Variants in CPQ observed in about 807,000 individuals in gnomAD.
The protein encoded by CPQ is carboxypeptidase Q.
Under a neutral mutation model 45.7 loss-of-function variants are expected in CPQ, and 37 were observed. That is an observed-to-expected ratio of 0.81 (90% CI 0.62 to 1.07). The LOEUF is 1.07. Ranked by LOEUF, CPQ falls within the 50% of genes least tolerant of loss-of-function variation. The pLI is 0.00. For synonymous variants in CPQ, 186 were observed against 205.8 expected (o/e 0.90, Z 0.82); for missense variants, 537 against 572.9 (o/e 0.94, Z 0.64).
At chr8:96,673,024 AC>A (rs1809027578) in intron 1 of CPQ, among the ~76,000 whole-genome samples, 1 of 151,948 alleles carries the variant, frequency 6.6e-6, no homozygotes, top group South Asian at 2.1e-4. Context: ...AACAGTTACT[AC>A]CAAGGTACTG....
intron 1 of CPQ, among the ~76,000 whole-genome samples, chr8:96,694,944 C>A (rs1283908490): frequency 1.3e-5 from 2 of 152,006 alleles, no homozygotes; most frequent in Admixed American, 1.3e-4. Flanking sequence ...TACTACTTTA[C>A]AGTGCATATG....
chr8:96,962,783 GA>G (rs1813482621), intron 4 of CPQ, among the ~76,000 whole-genome samples: 1 of 152,074 alleles, frequency 6.6e-6, no homozygotes, highest in Non-Finnish European at 1.5e-5. Context: ...CATATATTTG[GA>G]AAATTCAAGT....
At chr8:96,705,505 A>C (rs1267083655) in intron 1 of CPQ, among the ~76,000 whole-genome samples, 1 of 152,192 alleles carries the variant, frequency 6.6e-6, no homozygotes, top group Non-Finnish European at 1.5e-5. Flanking sequence ...GGTATCAGGA[A>C]GCAGATGGGA....
At chr8:97,120,371 CATTCCTTTACTGATCT>C (rs555410918) in intron 7 of CPQ, among the ~76,000 whole-genome samples, 2,840 of 151,542 alleles carry the variant, frequency 0.019, 42 homozygotes, top group Non-Finnish European at 0.025. Flanking sequence ...TTCACTGCCG[CATTCCTTTACTGATCT>C]ATTCCTTTAC....
chr8:96,815,049 A>G (rs1811209769), intron 2 of CPQ, among the ~76,000 whole-genome samples: 1 of 152,080 alleles, frequency 6.6e-6, no homozygotes. Flanking sequence ...TATTAATGGT[A>G]CTGTGTTTGT....
intron 3 of CPQ, among the ~76,000 whole-genome samples, chr8:96,848,950 T>G (rs1811735518): frequency 6.6e-6 from 1 of 152,214 alleles, no homozygotes; most frequent in Admixed American, 6.5e-5. Flanking sequence ...GAGTGATCTG[T>G]GAGACTACTC....
chr8:96,938,382 G>A (rs779601722), intron 4 of CPQ, among the ~76,000 whole-genome samples: 1 of 152,162 alleles, frequency 6.6e-6, no homozygotes, highest in Non-Finnish European at 1.5e-5. Context: ...AGGTGACAGA[G>A]CAGGACCCTG....
intron 5 of CPQ, among the ~76,000 whole-genome samples, chr8:97,000,356 G>T (rs1809254666): frequency 6.6e-6 from 1 of 151,886 alleles, no homozygotes; most frequent in African/African-American, 2.4e-5. Flanking sequence ...TGTCTTCCAG[G>T]GTTTTTATAG....
chr8:96,949,310 T>C (rs773995639), intron 4 of CPQ, among the ~76,000 whole-genome samples: 1 of 152,066 alleles, frequency 6.6e-6, no homozygotes, highest in Non-Finnish European at 1.5e-5. Context: ...TTTAGTATTA[T>C]ACCTTTTCAT....
At chr8:97,064,199 A>T (rs1419764590) in intron 6 of CPQ, among the ~76,000 whole-genome samples, 2 of 152,110 alleles carry the variant, frequency 1.3e-5, no homozygotes, top group African/African-American at 4.8e-5. Flanking sequence ...CACAAACAAG[A>T]TGACTCAATT....
intron 7 of CPQ, among the ~76,000 whole-genome samples, chr8:97,076,890 TC>T (rs1810854767): frequency 6.6e-6 from 1 of 152,138 alleles, no homozygotes; most frequent in African/African-American, 2.4e-5. Flanking sequence ...AACTTTTGAC[TC>T]CCCAAAAACT....
At chr8:96,876,200 C>T (rs528280118) in intron 3 of CPQ, among the ~76,000 whole-genome samples, 2 of 151,656 alleles carry the variant, frequency 1.3e-5, no homozygotes, top group Admixed American at 6.6e-5. Flanking sequence ...TAGTTCTAAT[C>T]GTTTTGTGTG....
At chr8:96,941,089 A>G (rs1813118652) in intron 4 of CPQ, among the ~76,000 whole-genome samples, 1 of 152,144 alleles carries the variant, frequency 6.6e-6, no homozygotes, top group Non-Finnish European at 1.5e-5. Flanking sequence ...ACAGGGGCTT[A>G]CAAAATTGCT....
At chr8:96,867,235 C>A (rs919459031) in intron 3 of CPQ, among the ~76,000 whole-genome samples, 2 of 152,048 alleles carry the variant, frequency 1.3e-5, no homozygotes, top group African/African-American at 2.4e-5. Flanking sequence ...TTCTCAATTT[C>A]TTAAACCAGA....
chr8:97,109,930 T>C (rs1224255587), intron 7 of CPQ, among the ~76,000 whole-genome samples: 1 of 152,164 alleles, frequency 6.6e-6, no homozygotes, highest in Admixed American at 6.6e-5. Context: ...TGGAGCCTTC[T>C]TGAGGCAGCA....
chr8:96,773,573 G>A (rs1810572182), intron 1 of CPQ, among the ~76,000 whole-genome samples: 1 of 152,140 alleles, frequency 6.6e-6, no homozygotes, highest in African/African-American at 2.4e-5. Flanking sequence ...GCCTGGTGGG[G>A]ATACGATATA....
At chr8:97,075,123 C>T (rs192938794) in intron 7 of CPQ, among the ~76,000 whole-genome samples, 138 of 152,010 alleles carry the variant, frequency 9.1e-4, no homozygotes, top group Middle Eastern at 6.8e-3. Flanking sequence ...TTAAAGGGAA[C>T]GAGGAGCTTG....
intron 3 of CPQ, among the ~76,000 whole-genome samples, chr8:96,847,572 A>G (rs2130857736): frequency 6.6e-6 from 1 of 152,330 alleles, no homozygotes. Flanking sequence ...CTTTTTATTC[A>G]TCCAAAGTTA....
At chr8:96,910,277 G>T (rs920520396) in intron 4 of CPQ, among the ~76,000 whole-genome samples, 5 of 152,142 alleles carry the variant, frequency 3.3e-5, no homozygotes, top group Admixed American at 6.5e-5. Context: ...TGGACCTGAA[G>T]TAGAAGTAGT....
Sources: gnomAD v4.1 joint callset for allele counts (sites outside exome capture counted in the v4.1 genomes callset) on GRCh38, gnomAD v4.1.1 for gene constraint, MANE v1.5 for transcripts, NCBI Gene and HGNC (gene_info 2026-07-23, HGNC 2026-07-21) for gene names.